Variants in IQSEC3 observed in about 807,000 individuals in gnomAD.
The protein encoded by IQSEC3 is IQ motif and Sec7 domain ArfGEF 3.
In IQSEC3, 50 loss-of-function variants were observed where a neutral mutation model predicts 105.4. The ratio of observed to expected loss-of-function variants is 0.47; its 90% CI spans 0.38 to 0.60. The LOEUF (loss-of-function observed/expected upper bound fraction) is 0.60. Ranked by LOEUF, IQSEC3 falls within the 20% of genes least tolerant of loss-of-function variation. The pLI is 0.00. For missense variants in IQSEC3, 1,415 were observed against 1,630.0 expected, an observed-to-expected ratio of 0.87 and a Z score of 2.27; for synonymous variants, 708 against 746.0, an observed-to-expected ratio of 0.95 and a Z score of 0.83.
intron 1 of IQSEC3, among the ~76,000 whole-genome samples, chr12:92,165 G>A (rs573804639): frequency 8.5e-4 from 129 of 152,316 alleles, no homozygotes; most frequent in Middle Eastern, 3.4e-3. Flanking sequence ...AGCCACAGGG[G>A]ACTGAATTCT....
intron 9 of IQSEC3, among the ~76,000 whole-genome samples, chr12:164,489 CCTT>C (rs1455108789): frequency 6.6e-6 from 1 of 152,318 alleles, no homozygotes; most frequent in Admixed American, 6.5e-5. Context: ...ACTTGCTGCT[CCTT>C]CTTGCAAAGC....
At chr12:130,069 C>A (rs1227824371) in intron 3 of IQSEC3, among the ~76,000 whole-genome samples, 1 of 152,234 alleles carries the variant, frequency 6.6e-6, no homozygotes, top group African/African-American at 2.4e-5. Flanking sequence ...GGACAGGGCA[C>A]TCCATGGGTT....
At chr12:168,538 C>T (rs1938796761) in intron 11 of IQSEC3, among the ~76,000 whole-genome samples, 1 of 152,150 alleles carries the variant, frequency 6.6e-6, no homozygotes, top group South Asian at 2.1e-4. Flanking sequence ...GCGGTTTTTG[C>T]CATTACTTTC....
intron 2 of IQSEC3, 104 bp from the exon 3 acceptor site, chr12:125,529 A>G: frequency 8.3e-7 from 1 of 1,201,034 alleles, no homozygotes; most frequent in African/African-American, 1.6e-5. Flanking sequence ...TCCTTGCCAC[A>G]GGAAAGGCAG....
chr12:89,972 T>G (rs1348750525), intron 1 of IQSEC3, among the ~76,000 whole-genome samples: 2 of 152,256 alleles, frequency 1.3e-5, no homozygotes, highest in Non-Finnish European at 2.9e-5. Flanking sequence ...TAAATGTATG[T>G]TTAACTTTAG....
chr12:158,792 G>A (rs541660996), intron 7 of IQSEC3, among the ~76,000 whole-genome samples: 10 of 152,222 alleles, frequency 6.6e-5, no homozygotes, highest in East Asian at 1.9e-4. Context: ...CCAAGTAGCC[G>A]GGATTACAGG....
intron 3 of IQSEC3, 108 bp downstream of exon 3, chr12:126,020 C>A: frequency 8.7e-7 from 1 of 1,155,286 alleles, no homozygotes; most frequent in African/African-American, 1.6e-5. Context: ...GCTACAGGCA[C>A]ACCTCTTTTG....
chr12:154,971 G>A (rs192797426), intron 5 of IQSEC3, among the ~76,000 whole-genome samples: 144 of 152,184 alleles, frequency 9.5e-4, no homozygotes, highest in African/African-American at 3.3e-3. Flanking sequence ...GCGTGACCAT[G>A]CTGGTTCACC....
At chr12:163,133 C>G (rs958720843) in intron 8 of IQSEC3, among the ~76,000 whole-genome samples, 53 of 150,772 alleles carry the variant, frequency 3.5e-4, no homozygotes, top group African/African-American at 1.2e-3. Flanking sequence ...CAGGACAGAA[C>G]CGGAGCCCCT....
At chr12:156,828 A>G (rs370392870) in intron 5 of IQSEC3, among the ~76,000 whole-genome samples, 197 bp from the exon 6 acceptor site, 1 of 152,118 alleles carries the variant, frequency 6.6e-6, no homozygotes, top group Non-Finnish European at 1.5e-5. Flanking sequence ...TCCTGGCCTC[A>G]GGGTTTGGGT....
chr12:173,210 T>G (rs896685077), intron 13 of IQSEC3, among the ~76,000 whole-genome samples: 29 of 152,146 alleles, frequency 1.9e-4, no homozygotes, highest in African/African-American at 6.3e-4. Flanking sequence ...GCCTGCCATG[T>G]CTTGGAAGGA....
intron 1 of IQSEC3, among the ~76,000 whole-genome samples, chr12:89,363 A>G (rs1555072843): frequency 6.6e-6 from 1 of 152,224 alleles, no homozygotes; most frequent in East Asian, 1.9e-4. Flanking sequence ...GAGGGAAATT[A>G]GAAAGGAAAT....
At chr12:166,283 C>T in intron 11 of IQSEC3, 1 of 221,548 alleles carries the variant, frequency 4.5e-6, no homozygotes, top group Non-Finnish European at 8.8e-6. Flanking sequence ...CAAGTCTGTA[C>T]ACTGCATCTG....
At chr12:159,251 T>C (rs1555095485) in intron 7 of IQSEC3, among the ~76,000 whole-genome samples, 1 of 152,162 alleles carries the variant, frequency 6.6e-6, no homozygotes, top group Admixed American at 6.5e-5. Context: ...CTCCTCTCCA[T>C]ATGTCCAGAC....
chr12:92,031 C>G lies in IQSEC3; in HGVS notation c.555-7115C>G, dbSNP rs182520765. 1.9e-4 allele frequency among the ~76,000 whole-genome samples: 29 copies of G among 152,222 alleles called. No homozygotes were observed. In the East Asian group the frequency reaches 4.8e-3, roughly 25 times the overall value. On this transcript the variant is annotated intron_variant, in intron 1 of 13. Transcript: ENST00000538872. ...CCAGCCTCACAGCACGACTAGGGAT[C>G]CCCAACACATAAAAACCTCATACTG...
chr12:86,174 A>T (rs1350892132), intron 1 of IQSEC3, among the ~76,000 whole-genome samples: 1 of 152,170 alleles, frequency 6.6e-6, no homozygotes, highest in African/African-American at 2.4e-5. Context: ...AGGAGTTCAG[A>T]GGTGGGCGCT....
At chr12:73,511 T>C (rs1421685395) in intron 1 of IQSEC3, among the ~76,000 whole-genome samples, 2 of 152,140 alleles carry the variant, frequency 1.3e-5, no homozygotes, top group Non-Finnish European at 2.9e-5. Flanking sequence ...CTGTCTCTAC[T>C]AAAAATACAA....
In IQSEC3 at chr12:138,937, GCAA is replaced by G; in HGVS notation, c.1575_1577del (p.Lys526del). 1 of 1,585,578 alleles carries G rather than the reference GCAA, an allele frequency of 6.3e-7. No individual in the cohort carries two copies. Among genetic ancestry groups the G allele is most frequent in the Non-Finnish European group, 8.6e-7 (1 of 1,167,236 alleles). On this transcript the variant is annotated inframe_deletion, in exon 4 of 14. Transcript: ENST00000538872. The surrounding 1 kb of genome is among the most constrained non-coding windows in gnomAD (Gnocchi z 7.1). ...CAGGCCCCCGCAGAGCCCGCGGCGG[GCAA>G]GGCCGAGCAGGGCGAGACCTCTGGG... is the stretch of plus-strand genomic sequence containing the variant.
chr12:151,526 G>T (rs1247445970), intron 5 of IQSEC3, among the ~76,000 whole-genome samples: 1 of 152,114 alleles, frequency 6.6e-6, no homozygotes, highest in African/African-American at 2.4e-5. Flanking sequence ...TCCTAACTGG[G>T]CCCCTGCTTC....
Sources: allele counts gnomAD v4.1 joint callset (sites outside exome capture counted in the v4.1 genomes callset), GRCh38; gene constraint gnomAD v4.1.1; non-coding constraint Gnocchi (gnomAD v3.1); transcripts MANE v1.5; gene names NCBI Gene and HGNC (gene_info 2026-07-23, HGNC 2026-07-21).